The following HPSE2 variants were observed in gnomAD, a reference collection of about 807,000 sequenced individuals.
HPSE2 encodes the protein heparanase 2 (inactive), also known as inactive heparanase-2.
Under a neutral mutation model 60.5 loss-of-function variants are expected in HPSE2, and 38 were observed. That is an observed-to-expected ratio of 0.63 (90% CI 0.48 to 0.82). The LOEUF is 0.82. HPSE2 is among the 40% of genes least tolerant of loss of function. HPSE2 has a pLI of 0.00. For synonymous variants in HPSE2, 295 were observed against 293.2 expected (o/e 1.01, Z -0.06); for missense variants, 713 against 740.4 (o/e 0.96, Z 0.43).
chr10:99,029,962 G>A (rs564030845), intron 3 of HPSE2, among the ~76,000 whole-genome samples: 122 of 152,300 alleles, frequency 8.0e-4, no homozygotes, highest in African/African-American at 2.9e-3. Flanking sequence ...CTGGCAACGG[G>A]CATCTTCCCA....
intron 6 of HPSE2, among the ~76,000 whole-genome samples, chr10:98,664,240 C>A (rs473820): frequency 2.2e-4 from 34 of 151,906 alleles, no homozygotes; most frequent in African/African-American, 8.0e-4. Context: ...AACTGTGTTA[C>A]CCTGGTAAAC....
intron 3 of HPSE2, among the ~76,000 whole-genome samples, chr10:99,115,845 G>A (rs1185381476): frequency 6.6e-6 from 1 of 152,176 alleles, no homozygotes; most frequent in Non-Finnish European, 1.5e-5. Context: ...ACTTAAAACA[G>A]TTGGAGAAAA....
chr10:99,204,242 C>T (rs1231769046), intron 2 of HPSE2, among the ~76,000 whole-genome samples: 1 of 152,172 alleles, frequency 6.6e-6, no homozygotes. Flanking sequence ...AGACCCACCC[C>T]AGTAGATCCA....
chr10:98,572,160 C>T (rs188659184), intron 9 of HPSE2, among the ~76,000 whole-genome samples: 95 of 152,102 alleles, frequency 6.2e-4, no homozygotes, highest in African/African-American at 2.1e-3. Context: ...AGGCTGGTCT[C>T]GAACTCCTGA....
intron 3 of HPSE2, among the ~76,000 whole-genome samples, chr10:98,896,980 G>T (rs1953509897): frequency 6.6e-6 from 1 of 152,160 alleles, no homozygotes; most frequent in Admixed American, 6.6e-5. Flanking sequence ...GAAAGCACCA[G>T]ATTCACATGG....
At chr10:98,730,091 T>C (rs1259611240) in intron 4 of HPSE2, among the ~76,000 whole-genome samples, 1 of 152,150 alleles carries the variant, frequency 6.6e-6, no homozygotes, top group Non-Finnish European at 1.5e-5. Context: ...ACAGATCATA[T>C]TGTAAGACAT....
chr10:98,797,757 T>A (rs1486150986), intron 3 of HPSE2, among the ~76,000 whole-genome samples: 1 of 151,724 alleles, frequency 6.6e-6, no homozygotes. Flanking sequence ...GGCAGAAGAA[T>A]GGCATGAACC....
intron 3 of HPSE2, among the ~76,000 whole-genome samples, chr10:98,830,387 G>A (rs953539312): frequency 2.0e-5 from 3 of 152,176 alleles, no homozygotes; most frequent in African/African-American, 7.2e-5. Context: ...GACTTAACTG[G>A]AAGGAGGGGA....
At chr10:98,571,265 A>G (rs1267120070) in intron 9 of HPSE2, among the ~76,000 whole-genome samples, 1 of 152,154 alleles carries the variant, frequency 6.6e-6, no homozygotes, top group Admixed American at 6.5e-5. Context: ...GCACTTTGGG[A>G]GGCCAAGGCA....
At chr10:99,182,691 T>C (rs566347442) in intron 2 of HPSE2, among the ~76,000 whole-genome samples, 1 of 152,000 alleles carries the variant, frequency 6.6e-6, no homozygotes, top group Admixed American at 6.6e-5. Flanking sequence ...AGATTAACCA[T>C]CCTATCTTGG....
At chr10:98,899,647 A>G (rs956139761) in intron 3 of HPSE2, among the ~76,000 whole-genome samples, 1 of 152,208 alleles carries the variant, frequency 6.6e-6, no homozygotes, top group African/African-American at 2.4e-5. Flanking sequence ...GCTAAAAATA[A>G]AAGACTGACA....
chr10:98,797,569 C>T lies in HPSE2; in HGVS notation c.611-53513G>A, dbSNP rs1037323835. Among the ~76,000 whole-genome samples the T allele has an allele frequency of 2.2e-4, 33 of 152,014 alleles. 1 individual carries two copies. The highest frequency in any genetic ancestry group is 1.0e-3 in the South Asian group (5 of 4,820). On this transcript the variant is annotated intron_variant, in intron 3 of 11. Coordinates refer to ENST00000370552, the MANE Select transcript of HPSE2 (RefSeq NM_021828.5). ...GATAAAGAGATGAGGGTAAGCCGGG[C>T]GCAGTGGCTCATGTTTGTAATCCCA...
Position 98,794,906 on chromosome 10 carries a change from A to G in HPSE2, c.611-50850T>C, listed in dbSNP as rs142255563. Among the ~76,000 whole-genome samples, 831 of 151,410 alleles carry G rather than the reference A, an allele frequency of 5.5e-3. 6 individuals are homozygous for G. The highest frequency in any genetic ancestry group is 0.019 in the African/African-American group (795 of 41,272). On this transcript the variant is annotated intron_variant, in intron 3 of 11. Transcript: ENST00000370552. ...AAATATAATTAGGCAAATGCCTGTG[A>G]ATTAAAAGCAAATGCAAGAAGGCTT... is the stretch of plus-strand genomic sequence containing the variant.
chr10:98,964,293 T>G (rs1955758499), intron 3 of HPSE2, among the ~76,000 whole-genome samples: 1 of 152,108 alleles, frequency 6.6e-6, no homozygotes, highest in African/African-American at 2.4e-5. Flanking sequence ...CTAAGCTCTT[T>G]GAAAGAAAAT....
In HPSE2 at chr10:98,920,820, G is replaced by A. The variant is rs117739717; in HGVS notation, c.611-176764C>T. ...TAAATAATCATAGTCTGCTCTTTGA[G>A]CTCCAGGGGCACAAGCAATTCAGGC... On this transcript the variant is annotated intron_variant, in intron 3 of 11. Coordinates refer to ENST00000370552, the MANE Select transcript of HPSE2 (RefSeq NM_021828.5). Among the ~76,000 whole-genome samples the A allele has an allele frequency of 2.8e-4, 42 of 152,274 alleles. No individual in the cohort carries two copies. The East Asian group carries it at 4.8e-3, about 17-fold the overall frequency.
chr10:98,724,299 T>C (rs1417003707), intron 4 of HPSE2, among the ~76,000 whole-genome samples: 1 of 152,076 alleles, frequency 6.6e-6, no homozygotes, highest in Non-Finnish European at 1.5e-5. Context: ...TAATCCTGAG[T>C]TCTAGTTTGA....
intron 6 of HPSE2, among the ~76,000 whole-genome samples, chr10:98,677,615 A>G (rs1947678387): frequency 6.6e-6 from 1 of 152,164 alleles, no homozygotes; most frequent in Admixed American, 6.5e-5. Flanking sequence ...CTGAGCTCTG[A>G]AGGATTTATT....
intron 5 of HPSE2, among the ~76,000 whole-genome samples, chr10:98,720,430 C>T (rs1158216215): frequency 6.6e-6 from 1 of 152,030 alleles, no homozygotes; most frequent in Non-Finnish European, 1.5e-5. Context: ...GCAACATGAT[C>T]TTGCATTAAT....
intron 7 of HPSE2, among the ~76,000 whole-genome samples, chr10:98,630,489 G>A (rs893312523): frequency 1.3e-5 from 2 of 151,898 alleles, no homozygotes; most frequent in African/African-American, 2.4e-5. Flanking sequence ...GAGCCACCAC[G>A]CCCGGCCGTA....
Sources: allele counts gnomAD v4.1 joint callset (sites outside exome capture counted in the v4.1 genomes callset), GRCh38; gene constraint gnomAD v4.1.1; transcripts MANE v1.5; gene names NCBI Gene and HGNC (gene_info 2026-07-23, HGNC 2026-07-21).